SEMA3A: variants seen among roughly 807,000 people sequenced by gnomAD.
SEMA3A encodes semaphorin 3A.
Under a neutral mutation model 97.9 loss-of-function variants are expected in SEMA3A, and 29 were observed. That is an observed-to-expected ratio of 0.30 (90% CI 0.22 to 0.40). SEMA3A has a LOEUF of 0.40. SEMA3A is among the 10% of genes least tolerant of loss of function. The probability of loss-of-function intolerance (pLI) is 1.00; values close to 1 mark genes in which losing one functional copy is unlikely to be tolerated. For missense variants in SEMA3A, 763 were observed against 951.3 expected (o/e 0.80, Z 2.60); for synonymous variants, 321 against 323.7 (o/e 0.99, Z 0.09).
intron 1 of SEMA3A, among the ~76,000 whole-genome samples, chr7:84,474,979 A>T (rs977304833): frequency 1.4e-4 from 22 of 152,128 alleles, no homozygotes; most frequent in African/African-American, 5.3e-4. Flanking sequence ...AAGAGAAGGA[A>T]ATAGGATGAA....
chr7:84,123,473 T>G (rs1215795515), intron 3 of SEMA3A, among the ~76,000 whole-genome samples: 3 of 151,940 alleles, frequency 2.0e-5, no homozygotes, highest in Non-Finnish European at 4.4e-5. Flanking sequence ...ATTTGAAGGT[T>G]TAGAATCTAC....
At chr7:84,051,847 T>C (rs952620995) in intron 5 of SEMA3A, among the ~76,000 whole-genome samples, 15 of 151,432 alleles carry the variant, frequency 9.9e-5, no homozygotes, top group African/African-American at 3.1e-4. Flanking sequence ...GGCTGTGGGT[T>C]TGTCATAGAT....
intron 4 of SEMA3A, among the ~76,000 whole-genome samples, chr7:84,100,115 C>G (rs1794912957): frequency 6.6e-6 from 1 of 152,140 alleles, no homozygotes; most frequent in South Asian, 2.1e-4. Context: ...GCCTGTCTGT[C>G]TTCCAAATCT....
At chr7:84,428,317 A>G (rs945550062) in intron 1 of SEMA3A, among the ~76,000 whole-genome samples, 1 of 152,100 alleles carries the variant, frequency 6.6e-6, no homozygotes, top group East Asian at 1.9e-4. Flanking sequence ...ATGTAAAATA[A>G]AAGTATGACG....
intron 4 of SEMA3A, among the ~76,000 whole-genome samples, chr7:84,062,566 C>T (rs1321957175): frequency 2.0e-5 from 3 of 152,176 alleles, no homozygotes; most frequent in African/African-American, 4.8e-5. Flanking sequence ...GTGCGCGCAC[C>T]ACGCGCGAGC....
intron 15 of SEMA3A, among the ~76,000 whole-genome samples, chr7:83,973,048 T>C (rs1437974711): frequency 6.6e-6 from 1 of 152,098 alleles, no homozygotes; most frequent in Non-Finnish European, 1.5e-5. Flanking sequence ...TTGATCTGAG[T>C]TGAAGTTGCT....
At chr7:84,092,527 C>CT (rs912288057) in intron 4 of SEMA3A, among the ~76,000 whole-genome samples, 3 of 152,042 alleles carry the variant, frequency 2.0e-5, no homozygotes, top group African/African-American at 4.8e-5. Flanking sequence ...AAACATGCTA[C>CT]TTTTTTTCAA....
intron 3 of SEMA3A, among the ~76,000 whole-genome samples, chr7:84,242,055 G>T (rs1321164457): frequency 6.6e-6 from 1 of 152,134 alleles, no homozygotes; most frequent in Non-Finnish European, 1.5e-5. Context: ...TTCAAGTCAG[G>T]TAGCATGATG....
At chr7:84,237,045 T>C (rs1799252030) in intron 3 of SEMA3A, among the ~76,000 whole-genome samples, 1 of 152,052 alleles carries the variant, frequency 6.6e-6, no homozygotes, top group Admixed American at 6.6e-5. Flanking sequence ...CATTCTAAAA[T>C]TTAAAACGAC....
intron 1 of SEMA3A, among the ~76,000 whole-genome samples, chr7:84,454,412 T>A (rs1350955485): frequency 6.6e-6 from 1 of 152,152 alleles, no homozygotes; most frequent in Non-Finnish European, 1.5e-5. Context: ...ATGCACTTTC[T>A]TTCCACCTGT....
At chr7:84,119,338 C>A (rs561867023) in intron 3 of SEMA3A, among the ~76,000 whole-genome samples, 1 of 152,188 alleles carries the variant, frequency 6.6e-6, no homozygotes, top group African/African-American at 2.4e-5. Context: ...GCTCTTAAAG[C>A]CAAAAGTCAA....
At chr7:84,375,728 T>C (rs115442853) in intron 1 of SEMA3A, among the ~76,000 whole-genome samples, 2,083 of 152,282 alleles carry the variant, frequency 0.014, 46 homozygotes, top group African/African-American at 0.047. Context: ...TTTGAAAATA[T>C]ACCAAAAAAA....
At chr7:84,203,518 A>ATTTTT (rs1562850324) in intron 3 of SEMA3A, among the ~76,000 whole-genome samples, 4 of 48,576 alleles carry the variant, frequency 8.2e-5, no homozygotes, top group African/African-American at 2.5e-4. Context: ...ATATATATAT[A>ATTTTT]TATATATATT....
chr7:84,143,529 C>T (rs191716063), intron 1 of SEMA3A, among the ~76,000 whole-genome samples: 63 of 92,908 alleles, frequency 6.8e-4, no homozygotes, highest in Admixed American at 6.5e-3. Context: ...GGAGTCTACA[C>T]GACTGTAAGA....
intron 3 of SEMA3A, among the ~76,000 whole-genome samples, chr7:84,290,812 T>C (rs1200673278): frequency 6.6e-6 from 1 of 152,178 alleles, no homozygotes; most frequent in African/African-American, 2.4e-5. Context: ...ATTAGATGAC[T>C]GTACCCTCTT....
chr7:84,115,531 T>C (rs1377212796), intron 3 of SEMA3A, among the ~76,000 whole-genome samples: 1 of 152,144 alleles, frequency 6.6e-6, no homozygotes, highest in African/African-American at 2.4e-5. Context: ...GTTCAAAAAA[T>C]TCACTTTGAA....
chr7:84,289,036 TA>T (rs77590662), intron 3 of SEMA3A, among the ~76,000 whole-genome samples: 35 of 151,512 alleles, frequency 2.3e-4, no homozygotes, highest in African/African-American at 6.5e-4. Context: ...ATTCAGCTGT[TA>T]AAAAAAAATA....
intron 3 of SEMA3A, among the ~76,000 whole-genome samples, chr7:84,111,884 GT>G (rs1442209877): frequency 6.6e-6 from 1 of 152,108 alleles, no homozygotes; most frequent in Non-Finnish European, 1.5e-5. Flanking sequence ...TCTCATCCAT[GT>G]TTCACTTAAA....
chr7:84,249,124 T>A (rs1232755053), intron 3 of SEMA3A, among the ~76,000 whole-genome samples: 4 of 152,214 alleles, frequency 2.6e-5, no homozygotes, highest in Admixed American at 2.6e-4. Flanking sequence ...CTCTGGCTCC[T>A]CAAGTGAGCC....
Sources: gnomAD v4.1 joint callset for allele counts (sites outside exome capture counted in the v4.1 genomes callset) on GRCh38, gnomAD v4.1.1 for gene constraint, MANE v1.5 for transcripts, NCBI Gene and HGNC (gene_info 2026-07-23, HGNC 2026-07-21) for gene names.